The following SGMS2 variants were observed in gnomAD, a reference collection of about 807,000 sequenced individuals.
SGMS2 encodes the protein phosphatidylcholine:ceramide cholinephosphotransferase 2.
In SGMS2, 21 loss-of-function variants were observed where a neutral mutation model predicts 43.8. The ratio of observed to expected loss-of-function variants is 0.48; its 90% confidence interval spans 0.34 to 0.69. SGMS2 has a LOEUF of 0.69. SGMS2 is among the 30% of genes least tolerant of loss of function. The pLI, the probability that SGMS2 is intolerant of heterozygous loss-of-function variation, is 0.01. For synonymous variants in SGMS2, 167 were observed against 160.6 expected (o/e 1.04, Z -0.30); for missense variants, 384 against 443.2 (o/e 0.87, Z 1.20).
chr4:107,877,092 G>A (rs1329441120), intron 2 of SGMS2, among the ~76,000 whole-genome samples: 2 of 151,896 alleles, frequency 1.3e-5, no homozygotes, highest in African/African-American at 4.8e-5. Flanking sequence ...TTGAGGCTAG[G>A]AGTATGAGAC....
At chr4:107,904,158 A>G (rs1442825898) in intron 5 of SGMS2, among the ~76,000 whole-genome samples, 1 of 152,114 alleles carries the variant, frequency 6.6e-6, no homozygotes. Flanking sequence ...TATTACCTCA[A>G]AATCTTTTTG....
chr4:107,913,805 TGTCTTG>T lies in SGMS2; in HGVS notation c.*3255_*3260del, dbSNP rs1732273715. 6.6e-6 allele frequency: 1 copy of T among 152,190 alleles called. No homozygotes were observed. The highest frequency in any genetic ancestry group is 6.5e-5 in the Admixed American group (1 of 15,270). The allele number at this position is 152,190 out of a possible 1,614,324, so 9.4% of individuals were successfully genotyped here. On this transcript the variant is annotated 3_prime_UTR_variant, in exon 7 of 7. Coordinates refer to ENST00000690982, the MANE Select transcript of SGMS2 (RefSeq NM_001375905.1). ...GTTTACTTTGAAACACCAAATTTGT[TGTCTTG>T]GTTTTTTTTACATGACAGAACTCAT...
chr4:107,870,085 G>A (rs963107176), intron 2 of SGMS2, among the ~76,000 whole-genome samples: 1 of 152,062 alleles, frequency 6.6e-6, no homozygotes, highest in Non-Finnish European at 1.5e-5. Context: ...ATACTTTTAC[G>A]TTGTACTCTA....
At chr4:107,906,112 A>G (rs1176138624) in intron 5 of SGMS2, among the ~76,000 whole-genome samples, 1 of 152,128 alleles carries the variant, frequency 6.6e-6, no homozygotes, top group East Asian at 1.9e-4. Flanking sequence ...AAATTATACC[A>G]TATGTTCTTG....
At chr4:107,831,637 T>G (rs1229205671) in intron 1 of SGMS2, among the ~76,000 whole-genome samples, 1 of 152,224 alleles carries the variant, frequency 6.6e-6, no homozygotes. Context: ...AATGGAACCA[T>G]TCTTTCTCGT....
chr4:107,910,219 G>A (rs966818812), intron 6 of SGMS2, 131 bp from the exon 7 acceptor site: 4 of 770,492 alleles, frequency 5.2e-6, no homozygotes, highest in Non-Finnish European at 8.4e-6. Context: ...GAAAGGACAT[G>A]AAAATCATTA....
At chr4:107,847,430 G>A (rs547014705) in intron 1 of SGMS2, among the ~76,000 whole-genome samples, 165 of 151,980 alleles carry the variant, frequency 1.1e-3, no homozygotes, top group African/African-American at 3.8e-3. Context: ...TTGTAGATAT[G>A]CGGCGTTATT....
intron 1 of SGMS2, among the ~76,000 whole-genome samples, chr4:107,832,253 A>G (rs1047947943): frequency 6.6e-6 from 1 of 152,248 alleles, no homozygotes; most frequent in African/African-American, 2.4e-5. Flanking sequence ...TTACGTATAT[A>G]TAAAATATAT....
chr4:107,834,338 T>G (rs1303990988), intron 1 of SGMS2, among the ~76,000 whole-genome samples: 1 of 152,226 alleles, frequency 6.6e-6, no homozygotes, highest in Non-Finnish European at 1.5e-5. Context: ...AACAATTATT[T>G]AAAATGACAG....
chr4:107,863,676 T>C (rs1727907659), intron 2 of SGMS2: 1 of 152,184 alleles, frequency 6.6e-6, no homozygotes, highest in African/African-American at 2.4e-5. Flanking sequence ...CCAGTGGATA[T>C]GTAATGCTCT....
At chr4:107,888,072 A>G (rs1729895880) in intron 2 of SGMS2, among the ~76,000 whole-genome samples, 2 of 152,106 alleles carry the variant, frequency 1.3e-5, no homozygotes, top group Admixed American at 1.3e-4. Flanking sequence ...CTACAGTCTC[A>G]TACGCCCACC....
intron 2 of SGMS2, among the ~76,000 whole-genome samples, chr4:107,890,953 G>A (rs898259326): frequency 1.3e-5 from 2 of 151,844 alleles, no homozygotes; most frequent in South Asian, 4.2e-4. Context: ...GTCATGGTGG[G>A]AAAAAAAAGG....
At chr4:107,836,040 G>A (rs1726150763) in intron 1 of SGMS2, among the ~76,000 whole-genome samples, 1 of 152,128 alleles carries the variant, frequency 6.6e-6, no homozygotes, top group South Asian at 2.1e-4. Flanking sequence ...ATTTTATTTA[G>A]CCTAGTATAC....
chr4:107,867,420 C>T (rs1248965392), intron 2 of SGMS2: 1 of 152,192 alleles, frequency 6.6e-6, no homozygotes, highest in Non-Finnish European at 1.5e-5. Context: ...CTATGAGAAT[C>T]CACTGATGTC....
intron 1 of SGMS2, among the ~76,000 whole-genome samples, chr4:107,855,707 G>T (rs1727383940): frequency 6.6e-6 from 1 of 152,076 alleles, no homozygotes; most frequent in South Asian, 2.1e-4. Context: ...AGGTCCATTT[G>T]GTCTAGAGTA....
intron 2 of SGMS2, among the ~76,000 whole-genome samples, chr4:107,871,100 G>C (rs560186196): frequency 6.6e-6 from 1 of 152,172 alleles, no homozygotes; most frequent in Admixed American, 6.5e-5. Context: ...TTTGATCATA[G>C]TTCACTCCCA....
chr4:107,872,234 G>T (rs1249637906), intron 2 of SGMS2, among the ~76,000 whole-genome samples: 1 of 151,896 alleles, frequency 6.6e-6, no homozygotes, highest in East Asian at 1.9e-4. Flanking sequence ...TTCTGACAAT[G>T]GTTGTTCATT....
chr4:107,881,719 T>C (rs1206750701), intron 2 of SGMS2, among the ~76,000 whole-genome samples: 1 of 152,128 alleles, frequency 6.6e-6, no homozygotes, highest in Non-Finnish European at 1.5e-5. Flanking sequence ...TCTAACTATA[T>C]TTTTTTACCC....
At chr4:107,901,156 A>G (rs1378046365) in intron 4 of SGMS2, among the ~76,000 whole-genome samples, 2 of 152,174 alleles carry the variant, frequency 1.3e-5, no homozygotes, top group African/African-American at 4.8e-5. Context: ...CCAAGCTACA[A>G]ATAGTCATAG....
Sources: allele counts gnomAD v4.1 joint callset (sites outside exome capture counted in the v4.1 genomes callset), GRCh38; gene constraint gnomAD v4.1.1; transcripts MANE v1.5; gene names NCBI Gene and HGNC (gene_info 2026-07-23, HGNC 2026-07-21).